The following ZNF704 variants were observed in gnomAD, a reference collection of about 807,000 sequenced individuals.
ZNF704 encodes zinc finger protein 704.
ZNF704 carries 10 observed loss-of-function variants against 44.7 expected under a neutral mutation model. That is an observed-to-expected ratio of 0.22 (90% CI 0.14 to 0.38). The LOEUF (loss-of-function observed/expected upper bound fraction) is 0.38, where lower values mean the gene tolerates loss of function less well. Ranked by LOEUF, ZNF704 falls within the 10% of genes least tolerant of loss-of-function variation. ZNF704 has a pLI of 1.00. For synonymous variants in ZNF704, 211 were observed against 207.6 expected, an observed-to-expected ratio of 1.02 and a Z score of -0.14; for missense variants, 390 against 545.5, an observed-to-expected ratio of 0.71 and a Z score of 2.84.
At chr8:80,655,176 C>G (rs1220684053) in intron 7 of ZNF704, among the ~76,000 whole-genome samples, 1 of 151,626 alleles carries the variant, frequency 6.6e-6, no homozygotes, top group African/African-American at 2.4e-5. Context: ...GAACATCACA[C>G]ACCAGGGCCT....
At chr8:80,834,017 C>T (rs76049456) in intron 1 of ZNF704, among the ~76,000 whole-genome samples, 1 of 152,142 alleles carries the variant, frequency 6.6e-6, no homozygotes, top group East Asian at 1.9e-4. Context: ...TGAGCAAAAG[C>T]CTTATGATTC....
At chr8:80,822,626 A>T (rs1002303088) in intron 1 of ZNF704, among the ~76,000 whole-genome samples, 2 of 152,140 alleles carry the variant, frequency 1.3e-5, no homozygotes, top group Non-Finnish European at 2.9e-5. Flanking sequence ...CGCCACACTG[A>T]CTTCCACAAT....
rs529056163 is a variant in ZNF704 at position 80,747,749 on chromosome 8, G to A, written c.222-54642C>T. Among the ~76,000 whole-genome samples the A allele has an allele frequency of 1.2e-4, 18 of 152,198 alleles. No individual in the cohort carries two copies. In the East Asian group the frequency reaches 1.4e-3, roughly 11 times the overall value. ...GTTTGTTTTTTTGAGACGGAGTCTC[G>A]CTCGGTCGCCAGGCTGGAGTGCAGT... is the stretch of plus-strand genomic sequence containing the variant. On this transcript the variant is annotated intron_variant, in intron 2 of 8. Transcript: ENST00000327835.
At chr8:80,834,828 C>T (rs1211898028) in intron 1 of ZNF704, among the ~76,000 whole-genome samples, 1 of 152,178 alleles carries the variant, frequency 6.6e-6, no homozygotes, top group Non-Finnish European at 1.5e-5. Context: ...ATGATGGTTT[C>T]CAGCTTCATC....
At chr8:80,656,393 G>C (rs1418143146) in intron 7 of ZNF704, among the ~76,000 whole-genome samples, 1 of 152,208 alleles carries the variant, frequency 6.6e-6, no homozygotes, top group African/African-American at 2.4e-5. Flanking sequence ...TAATAAAGGG[G>C]CCAACGGCTC....
At chr8:80,691,548 T>G (rs1818635899) in intron 3 of ZNF704, among the ~76,000 whole-genome samples, 1 of 152,226 alleles carries the variant, frequency 6.6e-6, no homozygotes, top group African/African-American at 2.4e-5. Context: ...CTTTTCCCAC[T>G]GCCAATCCCT....
At chr8:80,680,916 G>A (rs554599460) in intron 4 of ZNF704, among the ~76,000 whole-genome samples, 7 of 152,178 alleles carry the variant, frequency 4.6e-5, no homozygotes, top group Non-Finnish European at 8.8e-5. Context: ...ATGCTGTGGT[G>A]ATACGTGTAT....
At chr8:80,823,603 C>A (rs530627970) in intron 1 of ZNF704, among the ~76,000 whole-genome samples, 1 of 152,180 alleles carries the variant, frequency 6.6e-6, no homozygotes, top group Non-Finnish European at 1.5e-5. Context: ...GTGAGATCTG[C>A]AAACGTACAG....
intron 2 of ZNF704, among the ~76,000 whole-genome samples, chr8:80,759,898 T>A (rs1052587394): frequency 2.6e-5 from 4 of 152,120 alleles, no homozygotes; most frequent in African/African-American, 9.7e-5. Flanking sequence ...TGACCACAGA[T>A]GCATACCACC....
chr8:80,834,425 T>C (rs1299147628), intron 1 of ZNF704, among the ~76,000 whole-genome samples: 19 of 152,232 alleles, frequency 1.2e-4, no homozygotes, highest in Admixed American at 1.2e-3. Context: ...CCCTGCGTTA[T>C]GTTTTGGCAT....
intron 2 of ZNF704, among the ~76,000 whole-genome samples, chr8:80,784,234 GCA>G (rs1807579147): frequency 6.6e-6 from 1 of 152,168 alleles, no homozygotes; most frequent in Non-Finnish European, 1.5e-5. Flanking sequence ...AGATCTATAT[GCA>G]GGTTTTGGTG....
intron 7 of ZNF704, among the ~76,000 whole-genome samples, chr8:80,650,451 C>A (rs1326782497): frequency 6.6e-6 from 1 of 152,110 alleles, no homozygotes; most frequent in Non-Finnish European, 1.5e-5. Flanking sequence ...CCAGAATAAC[C>A]AATGCAGAGA....
At chr8:80,833,357 G>A (rs1037396097) in intron 1 of ZNF704, among the ~76,000 whole-genome samples, 3 of 152,132 alleles carry the variant, frequency 2.0e-5, no homozygotes, top group Admixed American at 2.0e-4. Context: ...TCAAAAAAAA[G>A]AGAAAAAAAT....
At chr8:80,874,859 A>T (rs1421497908), upstream of ZNF704, 2 of 151,950 alleles carry the variant, frequency 1.3e-5, no homozygotes, top group Admixed American at 6.5e-5. This position sits in a 1 kb window ranked among gnomAD's most constrained non-coding sequence, Gnocchi z 4.4. Context: ...TAGATTTTCG[A>T]AACACTGTTT....
In ZNF704 at chr8:80,821,347, C is replaced by T. The variant is rs758408496; in HGVS notation, c.221+27G>A. The T allele has an allele frequency of 5.0e-6, 8 of 1,606,468 alleles. No individual in the cohort carries two copies. The South Asian group carries it at 7.7e-5, about 15-fold the overall frequency. On this transcript the variant is annotated intron_variant, in intron 2 of 8. Coordinates refer to ENST00000327835, the MANE Select transcript of ZNF704 (RefSeq NM_001033723.3). ...CTCTCCACCAACTTCCTGGGGCAGACACATGTGAGATTTAATGTTCCCTTA... is the reference window on the plus strand; with the variant it reads ...CTCTCCACCAACTTCCTGGGGCAGATACATGTGAGATTTAATGTTCCCTTA...
At chr8:80,692,595 G>A (rs1818657420) in intron 3 of ZNF704, among the ~76,000 whole-genome samples, 1 of 152,184 alleles carries the variant, frequency 6.6e-6, no homozygotes, top group Non-Finnish European at 1.5e-5. Context: ...AGGAGTCTGA[G>A]AAAATGTTTT....
intron 4 of ZNF704, among the ~76,000 whole-genome samples, chr8:80,670,874 T>A (rs987694244): frequency 6.6e-6 from 1 of 152,224 alleles, no homozygotes; most frequent in Non-Finnish European, 1.5e-5. Flanking sequence ...TCTGGCTGTC[T>A]AAACAGTGGA....
chr8:80,769,892 C>A (rs1807290655), intron 2 of ZNF704, among the ~76,000 whole-genome samples: 1 of 152,106 alleles, frequency 6.6e-6, no homozygotes, highest in Non-Finnish European at 1.5e-5. Context: ...CTAAGACATA[C>A]CTAAGACTGG....
chr8:80,729,484 G>A lies in ZNF704; in HGVS notation c.222-36377C>T, dbSNP rs1381404220. ...GAGCTCAATAATGGGAAGGGTATGA[G>A]GACTAAGAACAGGGACCTAGAATCC... is the stretch of plus-strand genomic sequence containing the variant. On this transcript the variant is annotated intron_variant, in intron 2 of 8. Transcript: ENST00000327835. Among the ~76,000 whole-genome samples, 4 of 152,250 alleles carry A rather than the reference G, an allele frequency of 2.6e-5. No homozygotes were observed. In the East Asian group the frequency reaches 5.8e-4, roughly 22 times the overall value.
Sources: gnomAD v4.1 joint callset for allele counts (sites outside exome capture counted in the v4.1 genomes callset) on GRCh38, gnomAD v4.1.1 for gene constraint, Gnocchi (gnomAD v3.1) non-coding constraint, MANE v1.5 for transcripts, NCBI Gene and HGNC (gene_info 2026-07-23, HGNC 2026-07-21) for gene names.